CFB: variants seen among roughly 807,000 people sequenced by gnomAD.
CFB encodes the protein B-factor, properdin.
In CFB, 59 loss-of-function variants were observed where a neutral mutation model predicts 97.2. That is an observed-to-expected ratio of 0.61 (90% confidence interval 0.49 to 0.75). The LOEUF is 0.75. Among genes scored for constraint, CFB ranks in the 30% least tolerant of loss-of-function variants. The pLI is 0.00. For missense variants in CFB, 771 were observed against 959.8 expected (o/e 0.80, Z 2.60); for synonymous variants, 316 against 351.7 (o/e 0.90, Z 1.14).
chr6:31,949,916 C>T, intron 10 of CFB, 134 bp from the exon 11 acceptor site: 5 of 870,014 alleles, frequency 5.7e-6, no homozygotes, highest in South Asian at 2.8e-5. Flanking sequence ...TCTCCTAACA[C>T]GAGGAAACAA....
intron 12 of CFB, 83 bp from the exon 13 acceptor site, chr6:31,950,536 G>A (rs749285592): frequency 1.2e-4 from 191 of 1,599,296 alleles, no homozygotes; most frequent in Non-Finnish European, 1.6e-4. Context: ...TCAGGGATGG[G>A]GGAAGACGTG....
At position 31,947,297 on chromosome 6, in the gene CFB, T is replaced by C. The variant is rs1188833160; in HGVS notation, c.485-51T>C. ...CTGTAACTCTTGCTCTCTACCTTGC[T>C]CACGGGGCCTCAGGCTTCAGTGCTT... On this transcript the variant is annotated intron_variant, in intron 3 of 17. Coordinates refer to ENST00000425368, the MANE Select transcript of CFB (RefSeq NM_001710.6). This position sits in a 1 kb window ranked among gnomAD's most constrained non-coding sequence, Gnocchi z 5.3. 2 of 1,612,122 alleles carry C rather than the reference T, an allele frequency of 1.2e-6. No homozygotes were observed. Among genetic ancestry groups the C allele is most frequent in the Non-Finnish European group, 1.7e-6 (2 of 1,179,860 alleles).
In CFB at chr6:31,950,706, A is replaced by T. The variant is rs1352785822; in HGVS notation, c.1712A>T (p.Glu571Val). The part of the protein sequence containing the change: ...INGKKEAGIP[E>V]FYDYDVALIK... The stretch of plus-strand genomic sequence containing the variant: ...GGGAAAAAAGAAGCAGGAATTCCTG[A>T]ATTTTATGACTATGACGTTGCCCTG... Residue 571 changes from glutamate (E) to valine (V), a missense_variant, in exon 13 of 18, where the codon GAA becomes GTA. Transcript: ENST00000425368. The T allele has an allele frequency of 6.2e-7, 1 of 1,612,974 alleles. No homozygotes were observed. The highest frequency in any genetic ancestry group is 8.5e-7 in the Non-Finnish European group (1 of 1,180,040).
In CFB at chr6:31,946,489, G is replaced by A. The variant is rs749762077; in HGVS notation, c.181G>A (p.Val61Met). The A allele has an allele frequency of 2.4e-5, 38 of 1,612,968 alleles. No homozygotes were observed. Among genetic ancestry groups the A allele is most frequent in the Admixed American group, 5.0e-5 (3 of 60,006 alleles). ...LLQEGQALEY[V>M]CPSGFYPYPV... is the part of the protein sequence containing the mutation. ...CCAAGAGGGCCAGGCACTGGAGTAC[G>A]TGTGTCCTTCTGGCTTCTACCCGTA... is the stretch of plus-strand genomic sequence containing the variant. Residue 61 changes from valine (V) to methionine (M), a missense_variant, in exon 2 of 18, where the codon GTG (valine) becomes ATG (methionine). Physicochemically the swap from Val to Met is conservative, Grantham distance 21. Transcript: ENST00000425368. The surrounding 1 kb of genome is among the most constrained non-coding windows in gnomAD (Gnocchi z 6.4).
In CFB at chr6:31,947,514, C is replaced by T. The variant is rs1263450980; in HGVS notation, c.651C>T (p.Ser217=). 1.2e-6 allele frequency: 2 copies of T among 1,612,970 alleles called. No individual in the cohort carries two copies. Among genetic ancestry groups the T allele is most frequent in the Non-Finnish European group, 1.7e-6 (2 of 1,180,036 alleles). Residue 217 remains serine (S), a synonymous_variant, in exon 4 of 18, where the codon TCC becomes TCT. Transcript: ENST00000425368. This position sits in a 1 kb window ranked among gnomAD's most constrained non-coding sequence, Gnocchi z 5.3. ...GCTCTTGGAGCGGGACGGAGCCTTC[C>T]TGCCAAGGTGACCTTTGACCTGTAC... is the stretch of plus-strand genomic sequence containing the variant. ...EGGSWSGTEP[S]CQDSFMYDTP...
intron 6 of CFB, 108 bp from the exon 7 acceptor site, chr6:31,948,266 C>T: frequency 6.5e-7 from 1 of 1,539,488 alleles, no homozygotes; most frequent in South Asian, 1.1e-5. Flanking sequence ...GAACCTCAGC[C>T]CTTGAGCCTC....
chr6:31,951,448 C>G lies in CFB; in HGVS notation c.2064C>G (p.Pro688=), dbSNP rs2151788328. 1 of 1,614,208 alleles carries G rather than the reference C, an allele frequency of 6.2e-7. No homozygotes were observed. The highest frequency in any genetic ancestry group is 8.5e-7 in the Non-Finnish European group (1 of 1,180,040). ...TCCTTTGTACTGGAGGAGTGAGTCC[C>G]TATGCTGACCCCAATACTTGCAGAG... ...PRFLCTGGVS[P]YADPNTCRGD... Residue 688 remains proline (P), a synonymous_variant, in exon 16 of 18, where the codon CCC becomes CCG. Transcript: ENST00000425368. This position sits in a 1 kb window ranked among gnomAD's most constrained non-coding sequence, Gnocchi z 4.3.
In CFB at chr6:31,951,715, A is replaced by C. The variant is rs765070385; in HGVS notation, c.2139+111A>C. 6.4e-7 allele frequency: 1 copy of C among 1,556,750 alleles called. No individual in the cohort carries two copies. The highest frequency in any genetic ancestry group is 8.9e-7 in the Non-Finnish European group (1 of 1,128,322). ...ATTCGAGGTAGGCAGAGCCTGCCTC[A>C]CCTTAGGACCGCATGTCTTGCCTGC... On this transcript the variant is annotated intron_variant, in intron 17 of 17. Coordinates refer to ENST00000425368, the MANE Select transcript of CFB (RefSeq NM_001710.6). The surrounding 1 kb of genome is among the most constrained non-coding windows in gnomAD (Gnocchi z 4.3).
In CFB at chr6:31,951,951, G is replaced by A; in HGVS notation, c.2216G>A (p.Arg739Gln). 6 of 1,613,094 alleles carry A rather than the reference G, an allele frequency of 3.7e-6. No individual in the cohort carries two copies. The highest frequency in any genetic ancestry group is 5.1e-6 in the Non-Finnish European group (6 of 1,180,046). ...KRQKQVPAHARDFHINLFQVL... is the reference protein window; with the variant it reads ...KRQKQVPAHAQDFHINLFQVL... Reference sequence around the variant, plus strand: ...CAAAAGCAGGTACCTGCTCACGCCCGAGACTTTCACATCAACCTCTTTCAA... The same window carrying A: ...CAAAAGCAGGTACCTGCTCACGCCCAAGACTTTCACATCAACCTCTTTCAA... Residue 739 changes from arginine to glutamine, a missense_variant, in exon 18 of 18, where the codon CGA becomes CAA. Physicochemically the swap from Arg to Gln is conservative, Grantham distance 43. Coordinates refer to ENST00000425368, the MANE Select transcript of CFB (RefSeq NM_001710.6). The surrounding 1 kb of genome is among the most constrained non-coding windows in gnomAD (Gnocchi z 4.3).
rs1771441543 is a variant in CFB at position 31,946,627 on chromosome 6, G to A, written c.298+21G>A. On this transcript the variant is annotated intron_variant, in intron 2 of 17. Transcript: ENST00000425368. The surrounding 1 kb of genome is among the most constrained non-coding windows in gnomAD (Gnocchi z 6.4). ...CAGAGGTTTGAGGGCAATGAGTGTGGGCAGTGGCCTAAGGCAGAAACAGGG... is the reference window on the plus strand; with the variant it reads ...CAGAGGTTTGAGGGCAATGAGTGTGAGCAGTGGCCTAAGGCAGAAACAGGG... 1 of 1,596,202 alleles carries A rather than the reference G, an allele frequency of 6.3e-7. No homozygotes were observed. The highest frequency in any genetic ancestry group is 8.5e-7 in the Non-Finnish European group (1 of 1,173,858).
chr6:31,947,863 A>C lies in CFB; in HGVS notation c.760+20A>C. 6.2e-7 allele frequency: 1 copy of C among 1,614,048 alleles called. No homozygotes were observed. Among genetic ancestry groups the C allele is most frequent in the Non-Finnish European group, 8.5e-7 (1 of 1,180,018 alleles). ...GCCCAGGTTTGAAGACAGAGAAGGG[A>C]GGCAGGGCAGGGAACTGGGGGAAAA... On this transcript the variant is annotated intron_variant, in intron 5 of 17. Transcript: ENST00000425368. The surrounding 1 kb of genome is among the most constrained non-coding windows in gnomAD (Gnocchi z 5.3).
chr6:31,949,951 C>T (rs1771646836), intron 10 of CFB, 99 bp from the exon 11 acceptor site: 4 of 1,134,976 alleles, frequency 3.5e-6, no homozygotes, highest in Non-Finnish European at 5.4e-6. Context: ...TCCCTTTCTC[C>T]TTTTGGGCCT....
In CFB at chr6:31,947,223, G is replaced by A; in HGVS notation, c.484+31G>A. 1 of 1,612,250 alleles carries A rather than the reference G, an allele frequency of 6.2e-7. No homozygotes were observed. Among genetic ancestry groups the A allele is most frequent in the Non-Finnish European group, 8.5e-7 (1 of 1,179,946 alleles). ...AAGCATCCCCTCCCCCTACATTGCT[G>A]TCTCCCTGACGGCGCCCAGCCCGAG... On this transcript the variant is annotated intron_variant, in intron 3 of 17. Coordinates refer to ENST00000425368, the MANE Select transcript of CFB (RefSeq NM_001710.6). The surrounding 1 kb of genome is among the most constrained non-coding windows in gnomAD (Gnocchi z 5.3).
rs1334490116 is a variant in CFB, at chr6:31,949,015, G to A, written c.1168+54G>A. 1.9e-6 allele frequency: 3 copies of A among 1,611,490 alleles called. No homozygotes were observed. The African/African-American group carries it at 4.0e-5, about 22-fold the overall frequency. On this transcript the variant is annotated intron_variant, in intron 8 of 17. Transcript: ENST00000425368. ...CCTCCCCACCTTCTCAGACCAGCATGTGGCCCTTAAGTCCACTTGTAACAC... is the reference window on the plus strand; with the variant it reads ...CCTCCCCACCTTCTCAGACCAGCATATGGCCCTTAAGTCCACTTGTAACAC...
In CFB at chr6:31,950,844, TGCTGTTCTCCTTGTCCTTTATAG is replaced by T; in HGVS notation, c.1779-21_1780del. On this transcript the variant is annotated splice_acceptor_variant and splice_polypyrimidine_tract_variant and intron_variant, in intron 13 of 17. Transcript: ENST00000425368. LOFTEE classifies it high-confidence loss of function. ...ACTGGGGTGAGGAGCAGGCCTGGTT[TGCTGTTCTCCTTGTCCTTTATAG>T]GCCCATTTGTCTCCCCTGCACCGAG... 1 of 1,612,980 alleles carries T rather than the reference TGCTGTTCTCCTTGTCCTTTATAG, an allele frequency of 6.2e-7. No homozygotes were observed. Among genetic ancestry groups the T allele is most frequent in the South Asian group, 1.1e-5 (1 of 91,070 alleles).
At position 31,951,834 on chromosome 6, in the gene CFB, AATT is replaced by A. The variant is rs761562700; in HGVS notation, c.2140-40_2140-38del. ...GAACAGCCATGCTTCCAGGATTAGG[AATT>A]CTACTGAATGATCCATGGCACCCCA... On this transcript the variant is annotated intron_variant, in intron 17 of 17. Transcript: ENST00000425368. This position sits in a 1 kb window ranked among gnomAD's most constrained non-coding sequence, Gnocchi z 4.3. 1 of 1,613,012 alleles carries A rather than the reference AATT, an allele frequency of 6.2e-7. No individual in the cohort carries two copies. Among genetic ancestry groups the A allele is most frequent in the South Asian group, 1.1e-5 (1 of 91,054 alleles).
At chr6:31,950,840 G>C in intron 13 of CFB, 28 bp from the exon 14 acceptor site, 1 of 1,613,002 alleles carries the variant, frequency 6.2e-7, no homozygotes, top group Non-Finnish European at 8.5e-7. Flanking sequence ...GAGCAGGCCT[G>C]GTTTGCTGTT....
chr6:31,947,684 T>G lies in CFB; in HGVS notation c.659-58T>G, dbSNP rs565031639. ...CTGGAAACCCATGATCCCCCGTCTC[T>G]TTGGTCACTGTATCCCTGACACTCC... On this transcript the variant is annotated intron_variant, in intron 4 of 17. Transcript: ENST00000425368. The surrounding 1 kb of genome is among the most constrained non-coding windows in gnomAD (Gnocchi z 5.3). The G allele has an allele frequency of 1.3e-6, 2 of 1,594,470 alleles. No homozygotes were observed. Among genetic ancestry groups the G allele is most frequent in the East Asian group, 4.5e-5 (2 of 44,778 alleles).
Position 31,950,315 on chromosome 6 carries a change from G to A in CFB, c.1536G>A (p.Met512Ile), listed in dbSNP as rs368280020. ...CTTCAAAGGGACACGAGAGCTGTAT[G>A]GGGGCTGTGGTGTCTGAGTACTTTG... ...IRPSKGHESC[M>I]GAVVSEYFVL... The change falls in exon 12 of 18, where the codon ATG becomes ATA. Residue 512 changes from methionine (M) to isoleucine (I), a missense_variant. Coordinates refer to ENST00000425368, the MANE Select transcript of CFB (RefSeq NM_001710.6). 14 of 1,613,052 alleles carry A rather than the reference G, an allele frequency of 8.7e-6. No individual in the cohort carries two copies. The highest frequency in any genetic ancestry group is 1.1e-5 in the Non-Finnish European group (13 of 1,180,010).
Sources: gnomAD v4.1 joint callset for allele counts on GRCh38, gnomAD v4.1.1 for gene constraint, Gnocchi (gnomAD v3.1) non-coding constraint, MANE v1.5 for transcripts, NCBI Gene and HGNC (gene_info 2026-07-23, HGNC 2026-07-21) for gene names.